AMOTL1: variants seen among roughly 807,000 people sequenced by gnomAD.
AMOTL1 encodes angiomotin-like protein 1.
A neutral mutation model predicts 102.9 loss-of-function variants in AMOTL1; 45 were observed. That is an observed-to-expected ratio of 0.44 (90% CI 0.34 to 0.56). The LOEUF is 0.56. AMOTL1 is among the 20% of genes least tolerant of loss of function. The pLI is 0.01. For missense variants in AMOTL1, 1,114 were observed against 1,225.6 expected, an observed-to-expected ratio of 0.91 and a Z score of 1.36; for synonymous variants, 481 against 484.7, an observed-to-expected ratio of 0.99 and a Z score of 0.10.
chr11:94,731,446 T>G (rs1180577757), intron 2 of AMOTL1, among the ~76,000 whole-genome samples: 1 of 152,082 alleles, frequency 6.6e-6, no homozygotes, highest in Admixed American at 6.5e-5. Context: ...AAGGTGCAGG[T>G]CCTCAGAGGA....
intron 3 of AMOTL1, among the ~76,000 whole-genome samples, chr11:94,816,811 G>T (rs578051417): frequency 6.6e-6 from 1 of 152,278 alleles, no homozygotes; most frequent in Admixed American, 6.5e-5. Flanking sequence ...AACTGTGTTT[G>T]TGAGACACAG....
At chr11:94,720,775 G>T (rs1418350392) in intron 1 of AMOTL1, among the ~76,000 whole-genome samples, 1 of 152,114 alleles carries the variant, frequency 6.6e-6, no homozygotes, top group African/African-American at 2.4e-5. Context: ...CACAGGTGGA[G>T]TCATGTGTCC....
At chr11:94,864,911 G>A (rs2135737038) in intron 10 of AMOTL1, 51 bp downstream of exon 10, 5 of 1,585,642 alleles carry the variant, frequency 3.2e-6, no homozygotes, top group Non-Finnish European at 3.4e-6. Context: ...TCACACTCCA[G>A]GCCTTCCAGA....
chr11:94,726,065 T>C (rs1950252670), intron 1 of AMOTL1, among the ~76,000 whole-genome samples: 1 of 152,074 alleles, frequency 6.6e-6, no homozygotes, highest in South Asian at 2.1e-4. Flanking sequence ...TATTGAGACA[T>C]TTGAAAGAAT....
At chr11:94,869,509 CTG>C in intron 12 of AMOTL1, 36 bp downstream of exon 12, 6 of 1,546,234 alleles carry the variant, frequency 3.9e-6, no homozygotes, top group Non-Finnish European at 5.2e-6. Flanking sequence ...CCCCTGAAAA[CTG>C]TGGAACTGTC....
chr11:94,719,758 C>T (rs1950149157), intron 1 of AMOTL1, among the ~76,000 whole-genome samples: 2 of 152,036 alleles, frequency 1.3e-5, no homozygotes, highest in African/African-American at 4.8e-5. Flanking sequence ...AAAATAAGTA[C>T]GCTTTTCTTT....
intron 9 of AMOTL1, among the ~76,000 whole-genome samples, chr11:94,863,313 C>T (rs964981923): frequency 2.0e-5 from 3 of 150,266 alleles, no homozygotes; most frequent in Admixed American, 1.3e-4. Context: ...AGTTTTCAGG[C>T]GGGGCGCGGT....
intron 1 of AMOTL1, among the ~76,000 whole-genome samples, chr11:94,725,955 GA>G (rs1221003942): frequency 6.6e-6 from 1 of 152,170 alleles, no homozygotes; most frequent in African/African-American, 2.4e-5. Context: ...TGGGTTGGAG[GA>G]AATGAAGACC....
chr11:94,822,017 G>A (rs1489157196), intron 4 of AMOTL1, among the ~76,000 whole-genome samples, 196 bp downstream of exon 4: 1 of 152,182 alleles, frequency 6.6e-6, no homozygotes, highest in African/African-American at 2.4e-5. Flanking sequence ...AGGGGAGAGA[G>A]TTGCATATGC....
In AMOTL1 at chr11:94,800,181, G is replaced by T; in HGVS notation, c.991G>T (p.Gly331Ter). The T allele has an allele frequency of 6.2e-7, 1 of 1,613,952 alleles. No homozygotes were observed. The highest frequency in any genetic ancestry group is 8.5e-7 in the Non-Finnish European group (1 of 1,179,882). ...CCCAGTCAGCAAGACCCAGGAGCAC[G>T]GACTTTTTTATGGTGACCAGCACCC... ...MSPVSKTQEH[G>*]LFYGDQHPGM... Residue 331 changes from glycine to a stop codon, truncating the protein, a stop_gained, in exon 3 of 13, where the codon GGA (glycine) becomes TGA (stop). Transcript: ENST00000433060. LOFTEE classifies it high-confidence loss of function.
chr11:94,794,991 C>T lies in AMOTL1; in HGVS notation c.50-20C>T. 1.3e-6 allele frequency: 2 copies of T among 1,598,370 alleles called. No individual in the cohort carries two copies. Among genetic ancestry groups the T allele is most frequent in the East Asian group, 2.2e-5 (1 of 44,458 alleles). On this transcript the variant is annotated intron_variant, in intron 1 of 12. Coordinates refer to ENST00000433060, the MANE Select transcript of AMOTL1 (RefSeq NM_130847.3). ...AGGACTTGATGGGCACTCATATTCA[C>T]TTCGCTTTCTTTCCCCCAGGGTCCC...
chr11:94,812,061 C>T (rs953541576), intron 3 of AMOTL1, among the ~76,000 whole-genome samples: 17 of 152,142 alleles, frequency 1.1e-4, no homozygotes, highest in African/African-American at 4.1e-4. Context: ...TTGGGGAAAT[C>T]AGGGATTCTC....
At chr11:94,757,416 C>G (rs1265845258) in intron 3 of AMOTL1, among the ~76,000 whole-genome samples, 5 of 152,068 alleles carry the variant, frequency 3.3e-5, no homozygotes, top group Admixed American at 3.3e-4. Flanking sequence ...TACTAAGTGG[C>G]AGAGGAGGGG....
intron 6 of AMOTL1, among the ~76,000 whole-genome samples, chr11:94,848,549 C>T (rs796599362): frequency 3.5e-4 from 53 of 152,308 alleles, no homozygotes; most frequent in African/African-American, 1.3e-3. Flanking sequence ...AAGGGTTGTG[C>T]AGTCAAGAAG....
chr11:94,755,325 G>C (rs1024973668), intron 3 of AMOTL1, among the ~76,000 whole-genome samples: 5 of 152,110 alleles, frequency 3.3e-5, no homozygotes, highest in African/African-American at 1.2e-4. Context: ...GCTCATGTCT[G>C]ATCGACTCCA....
At chr11:94,835,672 A>T (rs1303208008) in intron 6 of AMOTL1, among the ~76,000 whole-genome samples, 1 of 152,210 alleles carries the variant, frequency 6.6e-6, no homozygotes, top group Non-Finnish European at 1.5e-5. Flanking sequence ...AACCCAAATC[A>T]TGTTTAAAGG....
intron 3 of AMOTL1, among the ~76,000 whole-genome samples, chr11:94,810,430 C>A (rs1388369895): frequency 6.9e-6 from 1 of 145,564 alleles, no homozygotes; most frequent in Non-Finnish European, 1.5e-5. Context: ...CTCTAAGTGT[C>A]TAAACTACTC....
intron 3 of AMOTL1, among the ~76,000 whole-genome samples, chr11:94,804,981 A>G (rs1448269308): frequency 6.6e-6 from 1 of 152,216 alleles, no homozygotes; most frequent in Non-Finnish European, 1.5e-5. Flanking sequence ...TTTACATACA[A>G]TAAAAACTTA....
intron 1 of AMOTL1, 123 bp downstream of exon 1, chr11:94,768,683 G>A (rs2915239): frequency 0.95 from 1,337,054 of 1,414,088 alleles, 639,220 homozygotes; most frequent in Non-Finnish European, 0.99. Flanking sequence ...TGGGGGCCCG[G>A]GGCTGAGATC....
Sources: allele counts gnomAD v4.1 joint callset (sites outside exome capture counted in the v4.1 genomes callset), GRCh38; gene constraint gnomAD v4.1.1; transcripts MANE v1.5; gene names NCBI Gene and HGNC (gene_info 2026-07-23, HGNC 2026-07-21).